DPP10: variants seen among roughly 807,000 people sequenced by gnomAD.
DPP10 encodes the protein dipeptidyl peptidase like 10, also known as inactive dipeptidyl peptidase 10.
In DPP10, 33 loss-of-function variants were observed where a neutral mutation model predicts 120.9. The observed-to-expected ratio is 0.27, with a 90% confidence interval of 0.21 to 0.37. The LOEUF (loss-of-function observed/expected upper bound fraction) is 0.37. Ranked by LOEUF, DPP10 falls within the 10% of genes least tolerant of loss-of-function variation. DPP10 has a pLI of 1.00. For synonymous variants in DPP10, 337 were observed against 326.1 expected (o/e 1.03, Z -0.36); for missense variants, 816 against 942.8 (o/e 0.87, Z 1.76).
chr2:115,506,311 G>T lies in DPP10; in HGVS notation c.366+6707G>T, dbSNP rs185482586. On this transcript the variant is annotated intron_variant, in intron 4 of 25. Transcript: ENST00000410059. Reference sequence around the variant, plus strand: ...AGCATTCAAGGAAGTTCAATTTTTGGTAAACATTAAATGATAATGACAGCT... The same window carrying T: ...AGCATTCAAGGAAGTTCAATTTTTGTTAAACATTAAATGATAATGACAGCT... Among the ~76,000 whole-genome samples the T allele has an allele frequency of 2.4e-4, 37 of 152,090 alleles. No individual in the cohort carries two copies. The East Asian group carries it at 6.8e-3, about 28-fold the overall frequency.
At chr2:115,493,864 C>G (rs1046623505) in intron 3 of DPP10, among the ~76,000 whole-genome samples, 1 of 152,020 alleles carries the variant, frequency 6.6e-6, no homozygotes, top group Non-Finnish European at 1.5e-5. Flanking sequence ...AGGTGGAAAC[C>G]CCTCAGGCAA....
intron 1 of DPP10, among the ~76,000 whole-genome samples, chr2:115,014,118 G>A (rs1350119754): frequency 6.6e-6 from 1 of 152,044 alleles, no homozygotes; most frequent in Non-Finnish European, 1.5e-5. Context: ...AGCAAATGCA[G>A]AAGAATGGAA....
intron 1 of DPP10, among the ~76,000 whole-genome samples, chr2:114,822,864 C>T (rs913737142): frequency 1.3e-5 from 2 of 152,200 alleles, no homozygotes; most frequent in Non-Finnish European, 2.9e-5. Flanking sequence ...ACAAGTTCCT[C>T]ATCTCCATCT....
At chr2:115,385,774 A>T (rs2066887439) in intron 3 of DPP10, among the ~76,000 whole-genome samples, 2 of 152,298 alleles carry the variant, frequency 1.3e-5, no homozygotes, top group Middle Eastern at 6.8e-3. Flanking sequence ...TAAAACTTTG[A>T]TTTGAAAAAT....
intron 1 of DPP10, among the ~76,000 whole-genome samples, chr2:114,640,177 G>A (rs1558957212): frequency 6.6e-6 from 1 of 151,868 alleles, no homozygotes; most frequent in African/African-American, 2.4e-5. Context: ...AATCTCTGAG[G>A]ACAGCTGAAG....
intron 1 of DPP10, among the ~76,000 whole-genome samples, chr2:114,821,723 C>A (rs1320943487): frequency 6.6e-6 from 1 of 151,962 alleles, no homozygotes; most frequent in African/African-American, 2.4e-5. Context: ...AGAAATTGGC[C>A]AAAACAAAGG....
At chr2:115,690,042 T>C in intron 7 of DPP10, 121 bp downstream of exon 7, 1 of 836,636 alleles carries the variant, frequency 1.2e-6, no homozygotes, top group Admixed American at 3.1e-5. Flanking sequence ...TTTCCCTAAG[T>C]CCTTTATATC....
chr2:115,806,007 C>G (rs548201842), intron 19 of DPP10, among the ~76,000 whole-genome samples: 1 of 152,130 alleles, frequency 6.6e-6, no homozygotes, highest in African/African-American at 2.4e-5. Context: ...TCATGTTGGA[C>G]AACTACTAAG....
At chr2:114,615,067 CTAAT>C (rs1185633517) in intron 1 of DPP10, among the ~76,000 whole-genome samples, 5 of 152,084 alleles carry the variant, frequency 3.3e-5, no homozygotes, top group Non-Finnish European at 7.4e-5. Flanking sequence ...TGGAATGTAG[CTAAT>C]TGAGTATGCA....
intron 1 of DPP10, among the ~76,000 whole-genome samples, chr2:115,202,020 A>G (rs1014350885): frequency 2.0e-5 from 3 of 152,156 alleles, no homozygotes; most frequent in African/African-American, 7.2e-5. Flanking sequence ...TGTTAAATTA[A>G]TATCTGTGCA....
At chr2:115,663,994 C>CAAT (rs70941084) in intron 5 of DPP10, among the ~76,000 whole-genome samples, 30,372 of 148,830 alleles carry the variant, frequency 0.2, 3,753 homozygotes, top group African/African-American at 0.35. Flanking sequence ...GACTCCATCT[C>CAAT]AATAATAATA....
At position 115,741,534 on chromosome 2, in the gene DPP10, G is replaced by T. The variant is rs1014071036; in HGVS notation, c.852+1641G>T. 2.7e-5 allele frequency among the ~76,000 whole-genome samples: 4 copies of T among 150,386 alleles called. No homozygotes were observed. The South Asian group carries it at 8.3e-4, about 31-fold the overall frequency. Reference sequence around the variant, plus strand: ...CCCCAAATATATTAATTCTCACATTGTTTGATTTATGATAATAAATGTTCA... The same window carrying T: ...CCCCAAATATATTAATTCTCACATTTTTTGATTTATGATAATAAATGTTCA... On this transcript the variant is annotated intron_variant, in intron 9 of 25. Transcript: ENST00000410059.
chr2:114,673,985 A>G (rs1179237448), intron 1 of DPP10, among the ~76,000 whole-genome samples: 2 of 152,160 alleles, frequency 1.3e-5, no homozygotes, highest in Non-Finnish European at 2.9e-5. Flanking sequence ...TTTATACTCT[A>G]TAAGACTGAA....
At chr2:115,327,742 A>G (rs747072054) in intron 2 of DPP10, among the ~76,000 whole-genome samples, 1 of 152,070 alleles carries the variant, frequency 6.6e-6, no homozygotes, top group African/African-American at 2.4e-5. Context: ...ATTTTTTGAC[A>G]TACTGCACCA....
At chr2:114,675,562 A>G (rs1471997340) in intron 1 of DPP10, among the ~76,000 whole-genome samples, 2 of 152,134 alleles carry the variant, frequency 1.3e-5, no homozygotes, top group Admixed American at 1.3e-4. Context: ...TAACAAATGA[A>G]CCACATAATG....
At chr2:115,482,284 G>GAT (rs2075484068) in intron 3 of DPP10, among the ~76,000 whole-genome samples, 1 of 144,132 alleles carries the variant, frequency 6.9e-6, no homozygotes, top group Non-Finnish European at 1.5e-5. Context: ...AATGTTATAA[G>GAT]ATTATATATA....
chr2:115,810,183 C>T (rs1292167892), intron 19 of DPP10, among the ~76,000 whole-genome samples: 1 of 151,254 alleles, frequency 6.6e-6, no homozygotes, highest in Non-Finnish European at 1.5e-5. Context: ...AAAAGTACTG[C>T]CCTGATAATT....
At chr2:115,550,611 C>T (rs889729638) in intron 5 of DPP10, among the ~76,000 whole-genome samples, 3 of 152,108 alleles carry the variant, frequency 2.0e-5, no homozygotes, top group Admixed American at 1.3e-4. Context: ...TAGCCATCTG[C>T]TTAGGCTGTG....
intron 5 of DPP10, among the ~76,000 whole-genome samples, chr2:115,546,445 G>T (rs1022933775): frequency 6.6e-5 from 10 of 152,028 alleles, no homozygotes; most frequent in African/African-American, 2.4e-4. Flanking sequence ...TTTACAATGG[G>T]ATAGAAAATG....
Sources: gnomAD v4.1 joint callset for allele counts (sites outside exome capture counted in the v4.1 genomes callset) on GRCh38, gnomAD v4.1.1 for gene constraint, MANE v1.5 for transcripts, NCBI Gene and HGNC (gene_info 2026-07-23, HGNC 2026-07-21) for gene names.